The following CREBBP variants were observed in gnomAD, a reference collection of about 807,000 sequenced individuals.
CREBBP encodes the protein CREB-binding protein.
CREBBP carries 19 observed loss-of-function variants against 265.0 expected under a neutral mutation model. The observed-to-expected ratio is 0.07, with a 90% CI of 0.05 to 0.11. CREBBP has a LOEUF of 0.11. Among genes scored for constraint, CREBBP ranks in the 10% least tolerant of loss-of-function variants. The pLI is 1.00. For missense variants in CREBBP, 2,525 were observed against 3,219.0 expected, an observed-to-expected ratio of 0.78 and a Z score of 5.22; for synonymous variants, 1,457 against 1,223.7, an observed-to-expected ratio of 1.19 and a Z score of -3.98.
At chr16:3,802,463 C>G (rs1019603896) in intron 3 of CREBBP, among the ~76,000 whole-genome samples, 1 of 151,982 alleles carries the variant, frequency 6.6e-6, no homozygotes, top group African/African-American at 2.4e-5. Flanking sequence ...ATCTAACATG[C>G]ATTTTTATTA....
At position 3,728,208 on chromosome 16, in the gene CREBBP, C is replaced by T. The variant is rs781438241; in HGVS notation, c.6839G>A (p.Gly2280Glu). The change falls in exon 31 of 31, where the codon GGG becomes GAG. Residue 2280 changes from glycine (G) to glutamate (E), a missense_variant. Transcript: ENST00000262367. The surrounding 1 kb of genome is among the most constrained non-coding windows in gnomAD (Gnocchi z 8.7). The part of the protein sequence containing the change: ...QLGQMGQPGL[G>E]ADSTPNIQQA... The stretch of plus-strand genomic sequence containing the variant: ...CTGGATGTTGGGGGTGCTGTCTGCC[C>T]CCAGCCCCGGCTGCCCCATCTGGCC... 3 of 1,613,798 alleles carry T rather than the reference C, an allele frequency of 1.9e-6. No homozygotes were observed. In the Admixed American group the frequency reaches 5.0e-5, roughly 27 times the overall value.
chr16:3,801,198 A>G (rs1008701546), intron 3 of CREBBP, among the ~76,000 whole-genome samples: 2 of 152,316 alleles, frequency 1.3e-5, no homozygotes, highest in East Asian at 3.9e-4. Flanking sequence ...CCCCTCCTCC[A>G]CAGAGGGCTG....
chr16:3,751,982 A>G (rs1337707399), intron 19 of CREBBP, 176 bp from the exon 20 acceptor site: 3 of 683,084 alleles, frequency 4.4e-6, no homozygotes, highest in Non-Finnish European at 2.7e-6. Flanking sequence ...GGGGAAAGGC[A>G]GGATTAGAGA....
chr16:3,798,918 T>A (rs2053658831), intron 3 of CREBBP, among the ~76,000 whole-genome samples: 1 of 152,104 alleles, frequency 6.6e-6, no homozygotes, highest in South Asian at 2.1e-4. Flanking sequence ...AGCCAAAAAG[T>A]GGATACAATT....
At chr16:3,743,538 T>C (rs1312345859) in intron 23 of CREBBP, 5 of 152,178 alleles carry the variant, frequency 3.3e-5, no homozygotes, top group Non-Finnish European at 1.5e-5. Context: ...CCTGGTTCTA[T>C]TGGGGATCTC....
At chr16:3,793,810 T>C (rs1044316900) in intron 3 of CREBBP, among the ~76,000 whole-genome samples, 184 bp from the exon 4 acceptor site, 6 of 151,710 alleles carry the variant, frequency 4.0e-5, no homozygotes, top group African/African-American at 7.3e-5. Flanking sequence ...TCAACCCAAC[T>C]CAGCAGCAAG....
At chr16:3,848,896 A>C (rs544202382) in intron 2 of CREBBP, among the ~76,000 whole-genome samples, 1 of 152,302 alleles carries the variant, frequency 6.6e-6, no homozygotes, top group African/African-American at 2.4e-5. Flanking sequence ...AAAAAAGACA[A>C]ATGCAATTTA....
intron 2 of CREBBP, among the ~76,000 whole-genome samples, chr16:3,842,578 A>G (rs891540413): frequency 4.6e-5 from 7 of 152,208 alleles, no homozygotes; most frequent in Non-Finnish European, 1.0e-4. Flanking sequence ...AACAAAAGAA[A>G]AAAATAGTAA....
At chr16:3,801,430 A>G (rs2053710292) in intron 3 of CREBBP, among the ~76,000 whole-genome samples, 1 of 152,152 alleles carries the variant, frequency 6.6e-6, no homozygotes, top group African/African-American at 2.4e-5. Flanking sequence ...GCCCTTTGGG[A>G]GGCCGAGGTG....
intron 1 of CREBBP, among the ~76,000 whole-genome samples, chr16:3,851,543 A>G (rs1172710280): frequency 6.6e-6 from 1 of 152,160 alleles, no homozygotes. Flanking sequence ...CTGAATTATA[A>G]TTTTAAAATG....
At chr16:3,732,184 G>A (rs1470092385) in intron 28 of CREBBP, among the ~76,000 whole-genome samples, 1 of 152,232 alleles carries the variant, frequency 6.6e-6, no homozygotes. Context: ...GGGGAAAAGA[G>A]ACCCAGAGTG....
intron 1 of CREBBP, among the ~76,000 whole-genome samples, chr16:3,877,694 G>T (rs1054188201): frequency 6.6e-6 from 1 of 152,222 alleles, no homozygotes. Flanking sequence ...CATGAGCCAT[G>T]GCGCCCAGCA....
At position 3,778,745 on chromosome 16, in the gene CREBBP, A is replaced by G. The variant is rs892148625; in HGVS notation, c.1896T>C (p.Tyr632=). The change falls in exon 9 of 31, where the codon TAT becomes TAC. Residue 632 remains tyrosine (Y), a synonymous_variant. Coordinates refer to ENST00000262367, the MANE Select transcript of CREBBP (RefSeq NM_004380.3). ...KDRRMENLVA[Y]AKKVEGDMYE... The stretch of plus-strand genomic sequence containing the variant: ...ACATGTCCCCTTCCACTTTCTTAGC[A>G]TAGGCTACCAGGTTTTCCATGCGGC... The G allele has an allele frequency of 7.4e-6, 12 of 1,614,022 alleles. No individual in the cohort carries two copies. Among genetic ancestry groups the G allele is most frequent in the Non-Finnish European group, 1.0e-5 (12 of 1,179,984 alleles).
intron 21 of CREBBP, among the ~76,000 whole-genome samples, chr16:3,746,127 C>A (rs1392759407): frequency 6.6e-6 from 1 of 152,198 alleles, no homozygotes; most frequent in Non-Finnish European, 1.5e-5. Context: ...GCTGCCACCA[C>A]AATGCATACC....
intron 3 of CREBBP, 62 bp from the exon 4 acceptor site, chr16:3,793,688 A>G: frequency 1.3e-6 from 2 of 1,572,028 alleles, no homozygotes; most frequent in Non-Finnish European, 8.6e-7. Flanking sequence ...CATATTCATT[A>G]ATTATTTCTC....
At position 3,731,406 on chromosome 16, in the gene CREBBP, T is replaced by C. The variant is rs2151317195; in HGVS notation, c.4958A>G (p.Asp1653Gly). 1 of 1,606,416 alleles carries C rather than the reference T, an allele frequency of 6.2e-7. No individual in the cohort carries two copies. Among genetic ancestry groups the C allele is most frequent in the Non-Finnish European group, 8.5e-7 (1 of 1,177,342 alleles). The change falls in exon 30 of 31, where the codon GAC becomes GGC. Residue 1653 changes from aspartate (D) to glycine (G), a missense_variant. Coordinates refer to ENST00000262367, the MANE Select transcript of CREBBP (RefSeq NM_004380.3). The surrounding 1 kb of genome is among the most constrained non-coding windows in gnomAD (Gnocchi z 7.7). ...INTLPPIVDP[D>G]PLLSCDLMDG... ...CATGAGGTCACAGCTGAGCAGGGGGTCGGGGTCGACGATGGGGGGCAGGGT... is the reference window on the plus strand; with the variant it reads ...CATGAGGTCACAGCTGAGCAGGGGGCCGGGGTCGACGATGGGGGGCAGGGT...
chr16:3,753,888 A>G (rs902302178), intron 19 of CREBBP, among the ~76,000 whole-genome samples: 1 of 152,246 alleles, frequency 6.6e-6, no homozygotes, highest in Non-Finnish European at 1.5e-5. Context: ...CCGTAATCAC[A>G]GGTGAGTCTA....
chr16:3,744,982 G>C, intron 22 of CREBBP, 21 bp from the exon 23 acceptor site: 1 of 1,555,276 alleles, frequency 6.4e-7, no homozygotes, highest in South Asian at 1.1e-5. Context: ...ATAGTGGTAT[G>C]ATGAGACTGT....
rs940073959 is a variant in CREBBP, at chr16:3,725,260, C to T, written c.*2458G>A. 2 of 233,326 alleles carry T rather than the reference C, an allele frequency of 8.6e-6. No homozygotes were observed. The highest frequency in any genetic ancestry group is 1.1e-4 in the Admixed American group (2 of 17,780). 14.5% of individuals were successfully genotyped at this position (233,326 alleles called of 1,614,324 possible). A position where few individuals can be genotyped will look rare whatever the true frequency, so the allele number is the denominator to read the frequency against. On this transcript the variant is annotated 3_prime_UTR_variant, in exon 31 of 31. Coordinates refer to ENST00000262367, the MANE Select transcript of CREBBP (RefSeq NM_004380.3). ...CACAGACCATGCTCTCGGTCACATC[C>T]TTCGACATCTGGATTGCCCAAGACG...
Sources: gnomAD v4.1 joint callset for allele counts (sites outside exome capture counted in the v4.1 genomes callset) on GRCh38, gnomAD v4.1.1 for gene constraint, Gnocchi (gnomAD v3.1) non-coding constraint, MANE v1.5 for transcripts, NCBI Gene and HGNC (gene_info 2026-07-23, HGNC 2026-07-21) for gene names.